The following IPCEF1 variants were observed in gnomAD, a reference collection of about 807,000 sequenced individuals.
IPCEF1 encodes the protein interactor protein for cytohesin exchange factors 1.
A neutral mutation model predicts 50.9 loss-of-function variants in IPCEF1; 31 were observed. The observed-to-expected ratio is 0.61, with a 90% CI of 0.46 to 0.82. The LOEUF (loss-of-function observed/expected upper bound fraction) is 0.82. IPCEF1 is among the 40% of genes least tolerant of loss of function. The pLI is 0.00. For synonymous variants in IPCEF1, 181 were observed against 192.0 expected (o/e 0.94, Z 0.47); for missense variants, 458 against 514.0 (o/e 0.89, Z 1.05).
intron 3 of IPCEF1, among the ~76,000 whole-genome samples, chr6:154,264,911 C>T (rs764627871): frequency 6.6e-6 from 1 of 152,182 alleles, no homozygotes; most frequent in Non-Finnish European, 1.5e-5. Context: ...AGTCCCTTGA[C>T]ATCCATTTTC....
At chr6:154,323,644 T>C (rs1783446932) in intron 1 of IPCEF1, among the ~76,000 whole-genome samples, 1 of 152,176 alleles carries the variant, frequency 6.6e-6, no homozygotes, top group Non-Finnish European at 1.5e-5. Context: ...TGACATGATG[T>C]CTGATTCCTT....
intron 1 of IPCEF1, among the ~76,000 whole-genome samples, chr6:154,331,411 G>GAAAGAA (rs766867487): frequency 8.2e-6 from 1 of 121,598 alleles, no homozygotes; most frequent in Admixed American, 8.6e-5. Flanking sequence ...AAGAAAGAGA[G>GAAAGAA]AGAAAAAGAA....
intron 5 of IPCEF1, among the ~76,000 whole-genome samples, chr6:154,241,091 C>G (rs1200674111): frequency 1.3e-5 from 2 of 151,974 alleles, no homozygotes; most frequent in East Asian, 3.9e-4. Context: ...CAAAACTTAG[C>G]TGGGCGTGGT....
chr6:154,180,414 AT>A (rs761333730), intron 10 of IPCEF1, among the ~76,000 whole-genome samples: 34 of 65,266 alleles, frequency 5.2e-4, no homozygotes, highest in Non-Finnish European at 7.2e-4. Flanking sequence ...ATATATATAT[AT>A]TTTTTTTTTA....
intron 6 of IPCEF1, chr6:154,222,946 C>G: frequency 1.8e-6 from 1 of 571,300 alleles, no homozygotes; most frequent in Middle Eastern, 4.7e-4. Context: ...CATGCCAAGA[C>G]TTCGTGGGGG....
chr6:154,239,577 C>T (rs571693846), intron 5 of IPCEF1, among the ~76,000 whole-genome samples: 4 of 152,322 alleles, frequency 2.6e-5, no homozygotes, highest in Non-Finnish European at 5.9e-5. Context: ...TGAAATGTCA[C>T]GTTTTGCCCT....
At chr6:154,201,468 T>C (rs922416918) in intron 9 of IPCEF1, among the ~76,000 whole-genome samples, 1 of 152,130 alleles carries the variant, frequency 6.6e-6, no homozygotes, top group African/African-American at 2.4e-5. Context: ...GCCAACAAAA[T>C]CAAAAAATCT....
chr6:154,205,488 G>A (rs997542360), intron 9 of IPCEF1, among the ~76,000 whole-genome samples: 3 of 152,114 alleles, frequency 2.0e-5, no homozygotes, highest in Middle Eastern at 3.2e-3. Context: ...CCAGCTACTT[G>A]GGAGGCTGAG....
intron 2 of IPCEF1, 98 bp from the exon 3 acceptor site, chr6:154,266,062 T>C (rs1299488817): frequency 1.4e-6 from 1 of 696,594 alleles, no homozygotes; most frequent in Non-Finnish European, 2.5e-6. Context: ...TCTATTGTGA[T>C]TAATCAATTT....
chr6:154,205,419 AC>A (rs1777410434), intron 9 of IPCEF1, among the ~76,000 whole-genome samples: 1 of 152,098 alleles, frequency 6.6e-6, no homozygotes, highest in Non-Finnish European at 1.5e-5. Context: ...ATATGGTGAA[AC>A]CCTGTCTCTA....
intron 1 of IPCEF1, among the ~76,000 whole-genome samples, chr6:154,302,777 A>G (rs534497692): frequency 5.9e-4 from 90 of 152,118 alleles, no homozygotes; most frequent in African/African-American, 2.0e-3. Flanking sequence ...GCCTGGCCCA[A>G]GTCTCAGATT....
At chr6:154,281,208 C>T (rs966195974) in intron 2 of IPCEF1, among the ~76,000 whole-genome samples, 3 of 131,862 alleles carry the variant, frequency 2.3e-5, no homozygotes, top group African/African-American at 8.5e-5. Context: ...AAAAAAAAAG[C>T]CAGGCATGGT....
chr6:154,242,003 C>G (rs1780636661), intron 5 of IPCEF1, among the ~76,000 whole-genome samples: 1 of 152,186 alleles, frequency 6.6e-6, no homozygotes, highest in Non-Finnish European at 1.5e-5. Context: ...CCTTATGAGA[C>G]TTTGAGCAAG....
At chr6:154,195,336 A>C (rs1444262979) in intron 10 of IPCEF1, among the ~76,000 whole-genome samples, 1 of 151,776 alleles carries the variant, frequency 6.6e-6, no homozygotes, top group Admixed American at 6.5e-5. Context: ...TTTAATAGAG[A>C]TGGGGTTTCA....
chr6:154,206,240 G>C (rs568625274), intron 9 of IPCEF1, among the ~76,000 whole-genome samples: 2 of 152,172 alleles, frequency 1.3e-5, no homozygotes, highest in Non-Finnish European at 2.9e-5. Flanking sequence ...TATTTCTCTG[G>C]AACCTGGCTT....
At chr6:154,326,148 G>T (rs188089331) in intron 1 of IPCEF1, among the ~76,000 whole-genome samples, 1 of 151,778 alleles carries the variant, frequency 6.6e-6, no homozygotes, top group East Asian at 1.9e-4. Context: ...CTTGAGCCCA[G>T]GAGGCAGAGG....
At chr6:154,181,588 T>G (rs544591770) in intron 10 of IPCEF1, among the ~76,000 whole-genome samples, 1 of 152,368 alleles carries the variant, frequency 6.6e-6, no homozygotes, top group East Asian at 1.9e-4. Flanking sequence ...GTCACTGAGA[T>G]AGCAGTTGAC....
At chr6:154,236,083 G>T (rs1005084777) in intron 5 of IPCEF1, among the ~76,000 whole-genome samples, 4 of 152,148 alleles carry the variant, frequency 2.6e-5, no homozygotes, top group African/African-American at 9.7e-5. Context: ...TGAAAGCAGA[G>T]TCTCATCTCT....
intron 1 of IPCEF1, among the ~76,000 whole-genome samples, chr6:154,296,382 A>G (rs1782657284): frequency 6.6e-6 from 1 of 152,154 alleles, no homozygotes; most frequent in African/African-American, 2.4e-5. Context: ...GGCCAGCGCC[A>G]CATCTTTTCA....
Sources: allele counts gnomAD v4.1 joint callset (sites outside exome capture counted in the v4.1 genomes callset), GRCh38; gene constraint gnomAD v4.1.1; transcripts MANE v1.5; gene names NCBI Gene and HGNC (gene_info 2026-07-23, HGNC 2026-07-21).